The following RAB10 variants were observed in gnomAD, a reference collection of about 807,000 sequenced individuals.
The protein encoded by RAB10 is ras-related protein Rab-10.
In RAB10, 5 loss-of-function variants were observed where a neutral mutation model predicts 25.7. That is an observed-to-expected ratio of 0.19 (90% CI 0.10 to 0.41). The LOEUF (loss-of-function observed/expected upper bound fraction) is 0.41. Ranked by LOEUF, RAB10 falls within the 10% of genes least tolerant of loss-of-function variation. The pLI is 1.00. For synonymous variants in RAB10, 89 were observed against 86.4 expected (o/e 1.03, Z -0.16); for missense variants, 103 against 245.8 (o/e 0.42, Z 3.89).
rs759008330 is a variant in RAB10, at chr2:26,034,599, G to C, written c.-10G>C. 6 of 1,612,874 alleles carry C rather than the reference G, an allele frequency of 3.7e-6. No individual in the cohort carries two copies. Among genetic ancestry groups the C allele is most frequent in the Admixed American group, 3.3e-5 (2 of 60,014 alleles). On this transcript the variant is annotated 5_prime_UTR_variant, in exon 1 of 6. Coordinates refer to ENST00000264710, the MANE Select transcript of RAB10 (RefSeq NM_016131.5). ...GCCGCCGGCGGCGAGAGCCCGAGCC[G>C]CTCCTCCCAATGGCGAAGAAGACGT...
At chr2:26,077,081 T>G (rs925793060) in intron 1 of RAB10, among the ~76,000 whole-genome samples, 10 of 152,162 alleles carry the variant, frequency 6.6e-5, no homozygotes, top group Non-Finnish European at 1.0e-4. Context: ...TGGATATACA[T>G]CTTAGGACTT....
chr2:26,114,211 AT>A (rs2149285322), intron 3 of RAB10, among the ~76,000 whole-genome samples: 1 of 152,286 alleles, frequency 6.6e-6, no homozygotes, highest in African/African-American at 2.4e-5. Context: ...TTTTTTAAAA[AT>A]TCCCCCCCGT....
intron 3 of RAB10, among the ~76,000 whole-genome samples, chr2:26,112,833 C>A (rs1667602253): frequency 6.6e-6 from 1 of 152,084 alleles, no homozygotes. Flanking sequence ...GTAATCCCAG[C>A]ACTTTGGGAG....
chr2:26,047,119 C>T (rs1010162253), intron 1 of RAB10, among the ~76,000 whole-genome samples: 2 of 152,046 alleles, frequency 1.3e-5, no homozygotes, highest in East Asian at 1.9e-4. Flanking sequence ...AAATTTGGTA[C>T]AATTTTGTCA....
At chr2:26,134,847 AT>A (rs1574567522) in intron 5 of RAB10, 90 bp from the exon 6 acceptor site, 3 of 991,704 alleles carry the variant, frequency 3.0e-6, no homozygotes, top group Middle Eastern at 4.3e-4. Flanking sequence ...ATTTTGTTGT[AT>A]AAATTGACAT....
chr2:26,075,853 G>A (rs773739616), intron 1 of RAB10, among the ~76,000 whole-genome samples: 1 of 152,038 alleles, frequency 6.6e-6, no homozygotes, highest in Non-Finnish European at 1.5e-5. Context: ...GGAGGGTTAG[G>A]GGGTGGAAGA....
In RAB10 at chr2:26,102,730, C is replaced by T. The variant is rs557463136; in HGVS notation, c.188+4008C>T. Reference sequence around the variant, plus strand: ...TAGGATTACAGGCGTGAGCCACTGCCCCTGGCCAGGCTGTGATTTTCTTAA... The same window carrying T: ...TAGGATTACAGGCGTGAGCCACTGCTCCTGGCCAGGCTGTGATTTTCTTAA... On this transcript the variant is annotated intron_variant, in intron 2 of 5. Coordinates refer to ENST00000264710, the MANE Select transcript of RAB10 (RefSeq NM_016131.5). Among the ~76,000 whole-genome samples the T allele has an allele frequency of 2.6e-5, 4 of 152,256 alleles. No individual in the cohort carries two copies. In the East Asian group the frequency reaches 7.7e-4, roughly 29 times the overall value.
At chr2:26,049,491 C>G (rs1666087172) in intron 1 of RAB10, among the ~76,000 whole-genome samples, 1 of 151,916 alleles carries the variant, frequency 6.6e-6, no homozygotes, top group African/African-American at 2.4e-5. Flanking sequence ...TCACTGCAAC[C>G]TCCACCTTCT....
intron 2 of RAB10, among the ~76,000 whole-genome samples, chr2:26,103,309 T>G (rs1667383286): frequency 6.6e-6 from 1 of 152,232 alleles, no homozygotes; most frequent in African/African-American, 2.4e-5. Context: ...TGAAAAGATT[T>G]TGAGAAACCA....
chr2:26,064,497 G>GA lies in RAB10; in HGVS notation c.127+29771dup, dbSNP rs200163734. ...CCACCACGCCTGGCTAATTTTTTGGGAAAAAAAAATTTTTTTTTTCATTTT... is the reference window on the plus strand; with the variant it reads ...CCACCACGCCTGGCTAATTTTTTGGGAAAAAAAAAATTTTTTTTTTCATTTT... On this transcript the variant is annotated intron_variant, in intron 1 of 5. Transcript: ENST00000264710. Among the ~76,000 whole-genome samples, 318 of 150,858 alleles carry GA rather than the reference G, an allele frequency of 2.1e-3. 1 individual carries two copies. Among genetic ancestry groups the GA allele is most frequent in the African/African-American group, 7.4e-3 (305 of 41,020 alleles).
chr2:26,127,734 A>G (rs1313163163), intron 4 of RAB10, 116 bp from the exon 5 acceptor site: 1 of 688,170 alleles, frequency 1.5e-6, no homozygotes, highest in South Asian at 1.8e-5. Flanking sequence ...ATTCTGTGTT[A>G]TATATTCTAG....
At chr2:26,065,699 C>T (rs1666498670) in intron 1 of RAB10, among the ~76,000 whole-genome samples, 1 of 152,162 alleles carries the variant, frequency 6.6e-6, no homozygotes, top group African/African-American at 2.4e-5. Flanking sequence ...ATATCATTGA[C>T]ATGTAACAGA....
At chr2:26,037,456 T>C (rs1436272884) in intron 1 of RAB10, among the ~76,000 whole-genome samples, 1 of 152,004 alleles carries the variant, frequency 6.6e-6, no homozygotes, top group Admixed American at 6.6e-5. Context: ...CTGATCAACA[T>C]GGAGAAACCC....
intron 5 of RAB10, among the ~76,000 whole-genome samples, chr2:26,131,202 G>A (rs1668006537): frequency 6.6e-6 from 1 of 151,938 alleles, no homozygotes; most frequent in Non-Finnish European, 1.5e-5. Context: ...GCTTCCCTGG[G>A]CCACAGTGGA....
chr2:26,131,658 C>T lies in RAB10; in HGVS notation c.520-3280C>T, dbSNP rs1175352731. Among the ~76,000 whole-genome samples, 6 of 152,056 alleles carry T rather than the reference C, an allele frequency of 3.9e-5. No individual in the cohort carries two copies. The East Asian group carries it at 1.2e-3, about 29-fold the overall frequency. On this transcript the variant is annotated intron_variant, in intron 5 of 5. Coordinates refer to ENST00000264710, the MANE Select transcript of RAB10 (RefSeq NM_016131.5). Reference sequence around the variant, plus strand: ...TTAATTCCCTCAATGTTACCAATTCCTCATTTCCCCCTTACTCCCCAGGTA... The same window carrying T: ...TTAATTCCCTCAATGTTACCAATTCTTCATTTCCCCCTTACTCCCCAGGTA...
chr2:26,114,202 T>G (rs1045116848), intron 3 of RAB10, among the ~76,000 whole-genome samples: 2 of 152,294 alleles, frequency 1.3e-5, no homozygotes, highest in African/African-American at 4.8e-5. Context: ...CCCAATTGCT[T>G]TTTTAAAAAT....
intron 1 of RAB10, among the ~76,000 whole-genome samples, chr2:26,081,188 C>T (rs1257965351): frequency 6.6e-6 from 1 of 152,148 alleles, no homozygotes; most frequent in Non-Finnish European, 1.5e-5. Flanking sequence ...TGTGAGGCCT[C>T]CCCAGCCATG....
At chr2:26,054,946 A>C (rs1207424758) in intron 1 of RAB10, among the ~76,000 whole-genome samples, 2 of 151,948 alleles carry the variant, frequency 1.3e-5, no homozygotes, top group Admixed American at 1.3e-4. Context: ...ACGTCACTGC[A>C]CTGCAGCCTG....
chr2:26,114,835 G>A (rs1006160525), intron 3 of RAB10, among the ~76,000 whole-genome samples: 2 of 151,758 alleles, frequency 1.3e-5, no homozygotes, highest in African/African-American at 4.8e-5. Flanking sequence ...CCAGGAGGTC[G>A]AGGCTGCAGT....
Sources: gnomAD v4.1 joint callset for allele counts (sites outside exome capture counted in the v4.1 genomes callset) on GRCh38, gnomAD v4.1.1 for gene constraint, MANE v1.5 for transcripts, NCBI Gene and HGNC (gene_info 2026-07-23, HGNC 2026-07-21) for gene names.